INTS6: variants seen among roughly 807,000 people sequenced by gnomAD.
INTS6 encodes the protein integrator complex subunit 6.
A neutral mutation model predicts 104.9 loss-of-function variants in INTS6; 16 were observed. The ratio of observed to expected loss-of-function variants is 0.15; its 90% confidence interval spans 0.10 to 0.23. The LOEUF (loss-of-function observed/expected upper bound fraction) is 0.23, where lower values mean the gene tolerates loss of function less well. Among genes scored for constraint, INTS6 ranks in the 10% least tolerant of loss-of-function variants. The pLI is 1.00. For missense variants in INTS6, 584 were observed against 1,062.8 expected, an observed-to-expected ratio of 0.55 and a Z score of 6.26; for synonymous variants, 324 against 358.7, an observed-to-expected ratio of 0.90 and a Z score of 1.09.
At chr13:51,402,059 A>G (rs1184789575) in intron 4 of INTS6, among the ~76,000 whole-genome samples, 1 of 152,144 alleles carries the variant, frequency 6.6e-6, no homozygotes, top group Admixed American at 6.5e-5. Context: ...GCACGGTCCT[A>G]TGCTTTTCCC....
chr13:51,370,938 T>G (rs1441909393), intron 15 of INTS6, among the ~76,000 whole-genome samples: 6 of 152,160 alleles, frequency 3.9e-5, no homozygotes, highest in Admixed American at 3.9e-4. Flanking sequence ...AGGTGTTGTC[T>G]GCAAGCAGGG....
At chr13:51,383,937 T>C (rs1956094480) in intron 7 of INTS6, 196 bp from the exon 8 acceptor site, 1 of 385,710 alleles carries the variant, frequency 2.6e-6, no homozygotes. Flanking sequence ...AACAAAAAGA[T>C]AAACACTTGA....
At chr13:51,355,172 T>TGGA (rs2015337842) in intron 3 of INTS6, 1 of 1,143,678 alleles carries the variant, frequency 8.7e-7, no homozygotes, top group Non-Finnish European at 1.3e-6. Context: ...CCAAACGTTC[T>TGGA]AGCCGTGTAT....
chr13:51,361,513 CAA>C (rs71785351), downstream of INTS6: 15,924 of 625,228 alleles, frequency 0.025, 286 homozygotes, highest in South Asian at 0.048. Flanking sequence ...CTAAAGAAAA[CAA>C]AAAGTTTTTG....
At chr13:51,342,244 G>A in the INTS6 span, among the ~76,000 whole-genome samples, 7 of 149,306 alleles carry the variant, frequency 4.7e-5, no homozygotes, top group Non-Finnish European at 1.0e-4. Context: ...AAAGTGGAAT[G>A]AAGCTGTCCT....
chr13:51,425,216 C>T (rs895368686), intron 4 of INTS6, among the ~76,000 whole-genome samples: 7 of 152,042 alleles, frequency 4.6e-5, no homozygotes, highest in African/African-American at 1.7e-4. Flanking sequence ...ACTTTTGCAT[C>T]CATTTTTGAG....
At chr13:51,370,859 C>T (rs926827349) in intron 15 of INTS6, among the ~76,000 whole-genome samples, 1 of 152,142 alleles carries the variant, frequency 6.6e-6, no homozygotes, top group African/African-American at 2.4e-5. Flanking sequence ...ACAGATGTTC[C>T]TTATAGATAG....
chr13:51,452,353 C>T lies in INTS6; in HGVS notation c.111+62G>A. On this transcript the variant is annotated intron_variant, in intron 1 of 17. Transcript: ENST00000311234. This position sits in a 1 kb window ranked among gnomAD's most constrained non-coding sequence, Gnocchi z 4.2. ...GACACCCCCGCCCCGGCCGCCCTCCCCCACCCTGCCGCCCGCGGGCCGCCG... is the reference window on the plus strand; with the variant it reads ...GACACCCCCGCCCCGGCCGCCCTCCTCCACCCTGCCGCCCGCGGGCCGCCG... 1 of 1,411,522 alleles carries T rather than the reference C, an allele frequency of 7.1e-7. No homozygotes were observed. Among genetic ancestry groups the T allele is most frequent in the East Asian group, 3.4e-5 (1 of 29,812 alleles). 87.4% of individuals were successfully genotyped at this position (1,411,522 alleles called of 1,614,324 possible). A position where few individuals can be genotyped will look rare whatever the true frequency, so the allele number is the denominator to read the frequency against.
intron 4 of INTS6, among the ~76,000 whole-genome samples, chr13:51,415,422 G>T (rs1254435668): frequency 6.6e-6 from 1 of 152,156 alleles, no homozygotes; most frequent in Non-Finnish European, 1.5e-5. Context: ...CATTTTGTGG[G>T]AGAAACCCCC....
intron 5 of INTS6, among the ~76,000 whole-genome samples, chr13:51,389,989 T>C (rs1284584610): frequency 6.6e-6 from 1 of 152,160 alleles, no homozygotes; most frequent in Non-Finnish European, 1.5e-5. Context: ...TGGTAGCGTG[T>C]GCTTTTCTGA....
chr13:51,388,424 A>T, intron 6 of INTS6, among the ~76,000 whole-genome samples: 1 of 146,688 alleles, frequency 6.8e-6, no homozygotes. Flanking sequence ...ATGGAGTTTC[A>T]CTCTTGTTGC....
At chr13:51,406,175 T>C (rs1277744519) in intron 4 of INTS6, among the ~76,000 whole-genome samples, 1 of 152,144 alleles carries the variant, frequency 6.6e-6, no homozygotes, top group Non-Finnish European at 1.5e-5. Context: ...GCCCAATGTA[T>C]AGTCTCAACC....
At chr13:51,340,025 A>T in the INTS6 span, among the ~76,000 whole-genome samples, 1 of 152,130 alleles carries the variant, frequency 6.6e-6, no homozygotes, top group African/African-American at 2.4e-5. Flanking sequence ...AAAAGAGAAG[A>T]TGTTTTCTAT....
chr13:51,387,633 A>T, intron 6 of INTS6, 93 bp from the exon 7 acceptor site: 1 of 967,256 alleles, frequency 1.0e-6, no homozygotes, highest in South Asian at 2.5e-5. Flanking sequence ...TTAAATTAAT[A>T]AAAAATTCCT....
Position 51,362,307 on chromosome 13 carries a change from T to C in INTS6, c.*3445A>G, listed in dbSNP as rs1400718596. On this transcript the variant is annotated 3_prime_UTR_variant, in exon 18 of 18. Coordinates refer to ENST00000311234, the MANE Select transcript of INTS6 (RefSeq NM_012141.3). ...CACCAGAGTAGTCCTCTTGTGATCC[T>C]AGTATTCTAATGAATGCACCTGGAT... 1 of 237,422 alleles carries C rather than the reference T, an allele frequency of 4.2e-6. No homozygotes were observed. The highest frequency in any genetic ancestry group is 1.2e-4 in the East Asian group (1 of 8,660). 14.7% of individuals were successfully genotyped at this position (237,422 alleles called of 1,614,324 possible).
intron 5 of INTS6, among the ~76,000 whole-genome samples, chr13:51,393,252 A>T (rs941302747): frequency 6.6e-6 from 1 of 151,972 alleles, no homozygotes; most frequent in Non-Finnish European, 1.5e-5. Flanking sequence ...TAATTTTTGT[A>T]TTTTTAGTAG....
At chr13:51,366,072 G>A (rs1030588241) in intron 17 of INTS6, among the ~76,000 whole-genome samples, 1 of 151,628 alleles carries the variant, frequency 6.6e-6, no homozygotes, top group Non-Finnish European at 1.5e-5. Flanking sequence ...TAAACAATGG[G>A]AAAGAGGTTG....
At position 51,403,594 on chromosome 13, in the gene INTS6, G is replaced by GA. The variant is rs1183193640; in HGVS notation, c.430-8112dup. Among the ~76,000 whole-genome samples, 77 of 63,008 alleles carry GA rather than the reference G, an allele frequency of 1.2e-3. No individual in the cohort carries two copies. In the Middle Eastern group the frequency reaches 0.031, roughly 25 times the overall value. The allele number at this position is 63,008 out of a possible 152,430, so 41.3% of individuals were successfully genotyped here. ...GAGACTCCATTTCAAAAAAAAAAAA[G>GA]AAAAAAAAAAGAAAAAAAAAAAAAG... On this transcript the variant is annotated intron_variant, in intron 4 of 17. Transcript: ENST00000311234.
In INTS6 at chr13:51,363,880, G is replaced by A. The variant is rs1161622317; in HGVS notation, c.*1872C>T. ...TTCAGAAAAATGTATTAAAGGTCAT[G>A]AGCAATCTGTGAAACAGAAAATAAA... On this transcript the variant is annotated 3_prime_UTR_variant, in exon 18 of 18. Transcript: ENST00000311234. 1 of 159,524 alleles carries A rather than the reference G, an allele frequency of 6.3e-6. No individual in the cohort carries two copies. Among genetic ancestry groups the A allele is most frequent in the Non-Finnish European group, 1.4e-5 (1 of 73,310 alleles). 9.9% of individuals were successfully genotyped at this position (159,524 alleles called of 1,614,324 possible).
Sources: allele counts gnomAD v4.1 joint callset (sites outside exome capture counted in the v4.1 genomes callset), GRCh38; gene constraint gnomAD v4.1.1; non-coding constraint Gnocchi (gnomAD v3.1); transcripts MANE v1.5; gene names NCBI Gene and HGNC (gene_info 2026-07-23, HGNC 2026-07-21).